The following FUT9 variants were observed in gnomAD, a reference collection of about 807,000 sequenced individuals.
The protein encoded by FUT9 is 4-galactosyl-N-acetylglucosaminide 3-alpha-L-fucosyltransferase 9.
A neutral mutation model predicts 29.7 loss-of-function variants in FUT9; 15 were observed. The ratio of observed to expected loss-of-function variants is 0.51; its 90% CI spans 0.34 to 0.78. The LOEUF is 0.78. Ranked by LOEUF, FUT9 falls within the 30% of genes least tolerant of loss-of-function variation. The pLI, the probability that FUT9 is intolerant of heterozygous loss-of-function variation, is 0.01. For missense variants in FUT9, 319 were observed against 425.4 expected (o/e 0.75, Z 2.20); for synonymous variants, 169 against 153.7 (o/e 1.10, Z -0.74).
At chr6:96,043,173 T>G (rs897315255) in intron 1 of FUT9, among the ~76,000 whole-genome samples, 1 of 152,026 alleles carries the variant, frequency 6.6e-6, no homozygotes, top group African/African-American at 2.4e-5. Context: ...TGCCTCAGCC[T>G]CCCGAGTAGC....
intron 1 of FUT9, among the ~76,000 whole-genome samples, chr6:96,025,716 T>C (rs1157013841): frequency 2.6e-5 from 4 of 151,656 alleles, no homozygotes; most frequent in African/African-American, 9.7e-5. Context: ...GCTCTCATCT[T>C]TTCTCTTCCA....
At chr6:96,080,186 C>T (rs1771211451) in intron 1 of FUT9, among the ~76,000 whole-genome samples, 1 of 150,586 alleles carries the variant, frequency 6.6e-6, no homozygotes, top group African/African-American at 2.4e-5. Context: ...ATCTATTTCT[C>T]AGTAGTTCTC....
intron 2 of FUT9, among the ~76,000 whole-genome samples, chr6:96,199,417 G>C (rs547924222): frequency 2.0e-4 from 31 of 152,190 alleles, no homozygotes; most frequent in African/African-American, 7.2e-4. Flanking sequence ...GAAAAATTGA[G>C]GGGAGGGGGT....
intron 1 of FUT9, among the ~76,000 whole-genome samples, chr6:96,025,868 C>T (rs1005230851): frequency 5.3e-5 from 8 of 151,694 alleles, no homozygotes; most frequent in African/African-American, 1.7e-4. Context: ...CAATAGACTC[C>T]TAGGTCAGAG....
chr6:96,156,146 A>G (rs1283614735), intron 2 of FUT9, among the ~76,000 whole-genome samples: 1 of 152,212 alleles, frequency 6.6e-6, no homozygotes, highest in East Asian at 1.9e-4. Context: ...CTAATGCTAT[A>G]GGAAAGTTTT....
intron 2 of FUT9, among the ~76,000 whole-genome samples, chr6:96,147,302 A>AG (rs1454293493): frequency 6.6e-6 from 1 of 151,850 alleles, no homozygotes; most frequent in Non-Finnish European, 1.5e-5. Flanking sequence ...CTGGGATTAC[A>AG]GGTGCACGCC....
chr6:96,081,861 T>C (rs1771243812), intron 1 of FUT9, among the ~76,000 whole-genome samples: 1 of 151,942 alleles, frequency 6.6e-6, no homozygotes, highest in Non-Finnish European at 1.5e-5. Flanking sequence ...TTTTTGTCCG[T>C]CTGTGGAGTA....
intron 2 of FUT9, among the ~76,000 whole-genome samples, chr6:96,173,573 A>G (rs1171197753): frequency 6.6e-6 from 1 of 151,998 alleles, no homozygotes; most frequent in Non-Finnish European, 1.5e-5. Flanking sequence ...GGTTTCCTTG[A>G]TTCATATTCT....
intron 2 of FUT9, among the ~76,000 whole-genome samples, chr6:96,154,157 A>T (rs1772732449): frequency 6.6e-6 from 1 of 152,230 alleles, no homozygotes; most frequent in African/African-American, 2.4e-5. Context: ...TCAGAGCTCA[A>T]CACATGTTTA....
chr6:96,046,745 T>C (rs1770570848), intron 1 of FUT9, among the ~76,000 whole-genome samples: 1 of 152,238 alleles, frequency 6.6e-6, no homozygotes, highest in Admixed American at 6.5e-5. Flanking sequence ...TGAAGATATA[T>C]GTTTTATCTA....
chr6:96,107,924 T>C (rs1771722759), intron 1 of FUT9, among the ~76,000 whole-genome samples: 1 of 149,424 alleles, frequency 6.7e-6, no homozygotes, highest in Non-Finnish European at 1.5e-5. Context: ...AGATTTCAGA[T>C]AATGAAAATA....
chr6:96,074,769 T>C (rs187793056), intron 1 of FUT9, among the ~76,000 whole-genome samples: 14 of 152,188 alleles, frequency 9.2e-5, no homozygotes, highest in African/African-American at 3.4e-4. Context: ...TGGTTTTAGT[T>C]TTAATTTAAT....
chr6:96,150,607 T>C (rs1167943499), intron 2 of FUT9, among the ~76,000 whole-genome samples: 1 of 152,088 alleles, frequency 6.6e-6, no homozygotes, highest in Non-Finnish European at 1.5e-5. Flanking sequence ...TAGGATGGAT[T>C]GAAGGAGGTG....
chr6:96,024,263 A>G (rs532841603), intron 1 of FUT9, among the ~76,000 whole-genome samples: 1 of 151,738 alleles, frequency 6.6e-6, no homozygotes, highest in Non-Finnish European at 1.5e-5. Context: ...ATAGGTGCAT[A>G]TGTCATTTGA....
chr6:96,076,008 G>A (rs1284122887), intron 1 of FUT9, among the ~76,000 whole-genome samples: 1 of 152,004 alleles, frequency 6.6e-6, no homozygotes, highest in Non-Finnish European at 1.5e-5. Context: ...TCCAGACTAT[G>A]TCACCAGCCT....
intron 1 of FUT9, among the ~76,000 whole-genome samples, chr6:96,020,391 G>A (rs1325200864): frequency 1.3e-5 from 2 of 152,040 alleles, no homozygotes. Flanking sequence ...TCACAGAGAA[G>A]GTTTCGTATC....
intron 1 of FUT9, among the ~76,000 whole-genome samples, chr6:96,082,349 T>A (rs1396600473): frequency 6.6e-6 from 1 of 151,782 alleles, no homozygotes; most frequent in Admixed American, 6.6e-5. Flanking sequence ...ATGTAGAGAT[T>A]TACTTTCACT....
chr6:96,044,774 C>T (rs1463301400), intron 1 of FUT9, among the ~76,000 whole-genome samples: 2 of 152,018 alleles, frequency 1.3e-5, no homozygotes, highest in African/African-American at 4.8e-5. Context: ...TTCAATGAGT[C>T]ATATGAATTT....
chr6:96,158,343 A>G (rs1032461574), intron 2 of FUT9, among the ~76,000 whole-genome samples: 16 of 152,112 alleles, frequency 1.1e-4, no homozygotes, highest in African/African-American at 3.6e-4. Flanking sequence ...TAAACACTAT[A>G]CAAAGTAAGT....
Sources: gnomAD v4.1 joint callset for allele counts (sites outside exome capture counted in the v4.1 genomes callset) on GRCh38, gnomAD v4.1.1 for gene constraint, MANE v1.5 for transcripts, NCBI Gene and HGNC (gene_info 2026-07-23, HGNC 2026-07-21) for gene names.